Variants in RAPGEF2 observed in about 807,000 individuals in gnomAD.
The protein encoded by RAPGEF2 is Rap guanine nucleotide exchange factor 2, also known as PDZ domain containing guanine nucleotide exchange factor (GEF) 1.
In RAPGEF2, 54 loss-of-function variants were observed where a neutral mutation model predicts 186.7. The observed-to-expected ratio is 0.29, with a 90% CI of 0.23 to 0.36. The LOEUF (loss-of-function observed/expected upper bound fraction) is 0.36. RAPGEF2 is among the 10% of genes least tolerant of loss of function. RAPGEF2 has a pLI of 1.00. For synonymous variants in RAPGEF2, 712 were observed against 705.9 expected, an observed-to-expected ratio of 1.01 and a Z score of -0.14; for missense variants, 1,532 against 2,045.0, an observed-to-expected ratio of 0.75 and a Z score of 4.84.
chr4:159,155,069 C>T (rs1295864036), intron 1 of RAPGEF2, among the ~76,000 whole-genome samples: 1 of 152,126 alleles, frequency 6.6e-6, no homozygotes, highest in Non-Finnish European at 1.5e-5. Context: ...CATCCTATAA[C>T]TTCCATAATA....
chr4:159,113,373 T>C lies in RAPGEF2; in HGVS notation c.69+9142T>C, dbSNP rs60071093. 4.3e-3 allele frequency among the ~76,000 whole-genome samples: 661 copies of C among 152,316 alleles called. 7 individuals carry two copies. The highest frequency in any genetic ancestry group is 0.015 in the African/African-American group (615 of 41,574). On this transcript the variant is annotated intron_variant, in intron 1 of 29. Transcript: ENST00000691494. Reference sequence around the variant, plus strand: ...TCTAAAATTATTTAAAAATTCAAAGTTAAAAAAAGGAAGCATAGCTTTTGA... The same window carrying C: ...TCTAAAATTATTTAAAAATTCAAAGCTAAAAAAAGGAAGCATAGCTTTTGA...
chr4:159,329,791 A>C, intron 11 of RAPGEF2, 67 bp from the exon 12 acceptor site: 4 of 1,293,666 alleles, frequency 3.1e-6, no homozygotes, highest in Non-Finnish European at 4.3e-6. Flanking sequence ...AAAACACTGA[A>C]TTATTAGTAC....
intron 7 of RAPGEF2, among the ~76,000 whole-genome samples, chr4:159,283,973 T>C (rs1760087602): frequency 6.6e-6 from 1 of 152,148 alleles, no homozygotes; most frequent in African/African-American, 2.4e-5. Flanking sequence ...AAACTGAGAA[T>C]CTGTGCCAAA....
intron 3 of RAPGEF2, among the ~76,000 whole-genome samples, chr4:159,202,091 C>G (rs1472360633): frequency 2.6e-5 from 4 of 152,224 alleles, no homozygotes; most frequent in African/African-American, 4.8e-5. Context: ...TCTCAGATAG[C>G]TGTGTCGTGT....
At chr4:159,314,915 C>G (rs1764369287) in intron 9 of RAPGEF2, 147 bp downstream of exon 9, 2 of 733,902 alleles carry the variant, frequency 2.7e-6, no homozygotes, top group South Asian at 6.7e-5. Context: ...ATTTGTTGGA[C>G]AAAAATTGGA....
At chr4:159,250,751 A>G (rs1462476505) in intron 7 of RAPGEF2, among the ~76,000 whole-genome samples, 1 of 148,350 alleles carries the variant, frequency 6.7e-6, no homozygotes, top group Non-Finnish European at 1.5e-5. Flanking sequence ...GCTCACTGCA[A>G]CTGAGAGGTG....
In RAPGEF2 at chr4:159,259,854, T is replaced by C. The variant is rs142976550; in HGVS notation, c.543+16063T>C. ...ATACTTCTATAAAACTATCTAGTTA[T>C]ATATAATCTGAATAATTCAGATTAT... On this transcript the variant is annotated intron_variant, in intron 7 of 29. Transcript: ENST00000691494. 3.6e-3 allele frequency among the ~76,000 whole-genome samples: 541 copies of C among 152,282 alleles called. 4 individuals are homozygous for C. The highest frequency in any genetic ancestry group is 0.012 in the African/African-American group (516 of 41,556).
intron 1 of RAPGEF2, among the ~76,000 whole-genome samples, chr4:159,166,196 C>T (rs985185572): frequency 1.3e-5 from 2 of 152,064 alleles, no homozygotes; most frequent in Admixed American, 6.5e-5. Flanking sequence ...CACCTGTAGT[C>T]CCAGCTACTT....
chr4:159,133,818 TG>T (rs1370807418), intron 1 of RAPGEF2, among the ~76,000 whole-genome samples: 1 of 151,986 alleles, frequency 6.6e-6, no homozygotes, highest in Non-Finnish European at 1.5e-5. Context: ...CTCCTGACCT[TG>T]TGATCCGCCC....
chr4:159,355,878 G>GCCGGGCC lies in RAPGEF2; in HGVS notation c.4679_4680insGGGCCCC (p.Pro1561GlyfsTer16). ...CACGAAAGGAGGGCAGGTATCGAGA[G>GCCGGGCC]CCCCCGCCCACCCCTCCCGGCTACA... On this transcript the variant is annotated frameshift_variant, in exon 29 of 30. Coordinates refer to ENST00000691494, the MANE Select transcript of RAPGEF2 (RefSeq NM_001394067.2). LOFTEE classifies it high-confidence loss of function. 1.3e-6 allele frequency: 2 copies of GCCGGGCC among 1,515,860 alleles called. No individual in the cohort carries two copies. Among genetic ancestry groups the GCCGGGCC allele is most frequent in the Non-Finnish European group, 8.9e-7 (1 of 1,117,994 alleles). 93.9% of individuals were successfully genotyped at this position (1,515,860 alleles called of 1,614,324 possible). A position where few individuals can be genotyped will look rare whatever the true frequency, so the allele number is the denominator to read the frequency against.
At chr4:159,174,146 C>T (rs1257882617) in intron 1 of RAPGEF2, among the ~76,000 whole-genome samples, 3 of 152,296 alleles carry the variant, frequency 2.0e-5, no homozygotes, top group South Asian at 2.1e-4. Flanking sequence ...AATGAAAAAT[C>T]GTAACTTAAC....
At chr4:159,332,396 G>T in intron 16 of RAPGEF2, 55 bp from the exon 17 acceptor site, 1 of 1,548,522 alleles carries the variant, frequency 6.5e-7, no homozygotes, top group South Asian at 1.2e-5. Flanking sequence ...CCTTAGAATT[G>T]TTCAGATATC....
At chr4:159,266,217 A>C (rs1757406569) in intron 7 of RAPGEF2, among the ~76,000 whole-genome samples, 1 of 152,098 alleles carries the variant, frequency 6.6e-6, no homozygotes. Flanking sequence ...AAGGATCCAA[A>C]AGAGTGATGT....
chr4:159,337,945 A>G (rs1415832439), intron 17 of RAPGEF2, among the ~76,000 whole-genome samples: 1 of 147,324 alleles, frequency 6.8e-6, no homozygotes, highest in Non-Finnish European at 1.5e-5. Flanking sequence ...AGAGAAACAT[A>G]CTATACACTT....
chr4:159,295,712 A>T (rs1006490635), intron 7 of RAPGEF2, among the ~76,000 whole-genome samples: 2 of 97,290 alleles, frequency 2.1e-5, no homozygotes, highest in African/African-American at 4.7e-5. Context: ...AGAGAGAGAG[A>T]GTGTGTGAGT....
chr4:159,190,575 G>A (rs1748016937), intron 2 of RAPGEF2, among the ~76,000 whole-genome samples: 1 of 152,182 alleles, frequency 6.6e-6, no homozygotes, highest in Non-Finnish European at 1.5e-5. Flanking sequence ...CCCGAGACTG[G>A]GTAATTTATA....
intron 4 of RAPGEF2, among the ~76,000 whole-genome samples, chr4:159,222,894 G>A (rs1260952589): frequency 6.7e-6 from 1 of 148,832 alleles, no homozygotes; most frequent in Non-Finnish European, 1.5e-5. Context: ...ATAGTTCAGG[G>A]ACACTTTTAT....
chr4:159,205,647 A>T (rs1403137199), intron 3 of RAPGEF2, among the ~76,000 whole-genome samples: 1 of 152,044 alleles, frequency 6.6e-6, no homozygotes, highest in Non-Finnish European at 1.5e-5. Flanking sequence ...TGTTCATGAG[A>T]TCTGGTGGTT....
At chr4:159,183,171 A>G (rs1169869035) in intron 1 of RAPGEF2, among the ~76,000 whole-genome samples, 1 of 152,216 alleles carries the variant, frequency 6.6e-6, no homozygotes, top group Admixed American at 6.5e-5. Context: ...CAGTTTCAAA[A>G]CTTAACTACC....
Sources: gnomAD v4.1 joint callset for allele counts (sites outside exome capture counted in the v4.1 genomes callset) on GRCh38, gnomAD v4.1.1 for gene constraint, MANE v1.5 for transcripts, NCBI Gene and HGNC (gene_info 2026-07-23, HGNC 2026-07-21) for gene names.